Variants in BPTF observed in about 807,000 individuals in gnomAD.
BPTF encodes the protein nucleosome-remodeling factor subunit BPTF.
BPTF carries 18 observed loss-of-function variants against 292.5 expected under a neutral mutation model. That is an observed-to-expected ratio of 0.06 (90% confidence interval 0.04 to 0.09). The LOEUF (loss-of-function observed/expected upper bound fraction) is 0.09, where lower values mean the gene tolerates loss of function less well. Ranked by LOEUF, BPTF falls within the 10% of genes least tolerant of loss-of-function variation. BPTF has a pLI of 1.00. For missense variants in BPTF, 2,726 were observed against 3,498.7 expected (o/e 0.78, Z 5.57); for synonymous variants, 1,225 against 1,251.9 (o/e 0.98, Z 0.45).
intron 1 of BPTF, among the ~76,000 whole-genome samples, chr17:67,828,012 A>G (rs1598069039): frequency 6.7e-6 from 1 of 149,376 alleles, no homozygotes. Context: ...GCTCACTGCA[A>G]CCTCCGTCTT....
At chr17:67,898,588 G>A (rs890645199) in intron 7 of BPTF, among the ~76,000 whole-genome samples, 3 of 151,642 alleles carry the variant, frequency 2.0e-5, no homozygotes, top group East Asian at 1.9e-4. Context: ...GGGATTACAG[G>A]TGTGAGCCGC....
At chr17:67,836,317 T>C (rs1375560362) in intron 1 of BPTF, among the ~76,000 whole-genome samples, 2 of 152,196 alleles carry the variant, frequency 1.3e-5, no homozygotes, top group Non-Finnish European at 2.9e-5. Flanking sequence ...CAAATGGCAA[T>C]GTTCAGTAGG....
intron 17 of BPTF, among the ~76,000 whole-genome samples, chr17:67,931,546 G>A (rs1310766555): frequency 6.6e-6 from 1 of 152,138 alleles, no homozygotes; most frequent in Non-Finnish European, 1.5e-5. Context: ...TGATCTTCCT[G>A]TTATATTCTG....
intron 19 of BPTF, among the ~76,000 whole-genome samples, chr17:67,941,481 A>G (rs1229263190): frequency 6.6e-6 from 1 of 152,148 alleles, no homozygotes; most frequent in Non-Finnish European, 1.5e-5. Context: ...AGTATATAAT[A>G]CTTCACTAAT....
At chr17:67,835,968 T>G (rs377148940) in intron 1 of BPTF, among the ~76,000 whole-genome samples, 273 of 152,152 alleles carry the variant, frequency 1.8e-3, no homozygotes, top group African/African-American at 6.3e-3. Context: ...CCTGGCCCAG[T>G]CCTGGTAAAA....
chr17:67,961,829 C>T (rs1485900860), intron 24 of BPTF, among the ~76,000 whole-genome samples: 1 of 152,100 alleles, frequency 6.6e-6, no homozygotes, highest in Non-Finnish European at 1.5e-5. Flanking sequence ...CAAAAATTAG[C>T]CAGATGTGGT....
intron 18 of BPTF, among the ~76,000 whole-genome samples, chr17:67,936,260 G>T (rs1376625337): frequency 1.3e-5 from 2 of 152,120 alleles, no homozygotes; most frequent in East Asian, 3.9e-4. Context: ...GCATTTACCT[G>T]AGAAAAGAAA....
At chr17:67,848,143 G>A (rs564295722) in intron 1 of BPTF, among the ~76,000 whole-genome samples, 9 of 150,982 alleles carry the variant, frequency 6.0e-5, no homozygotes, top group Non-Finnish European at 1.2e-4. Flanking sequence ...GCCTTTTGAG[G>A]TCTAGAAGTC....
chr17:67,963,575 T>A, intron 24 of BPTF: 5 of 1,283,498 alleles, frequency 3.9e-6, no homozygotes, highest in Non-Finnish European at 4.9e-6. Flanking sequence ...GTTACTTATT[T>A]ATTTTAAAAT....
chr17:67,940,645 A>G lies in BPTF; in HGVS notation c.6466A>G (p.Thr2156Ala). The G allele has an allele frequency of 1.2e-6, 2 of 1,613,260 alleles. No homozygotes were observed. The highest frequency in any genetic ancestry group is 1.7e-6 in the Non-Finnish European group (2 of 1,179,172). The part of the protein sequence containing the change: ...KLTMAQLTQL[T>A]QGHGGNQGLT... The stretch of plus-strand genomic sequence containing the variant: ...CACCATGGCTCAACTTACTCAGTTA[A>G]CACAGGGCCACGTAAGTAACATAAG... The change falls in exon 19 of 28, where the codon ACA (threonine) becomes GCA (alanine). Residue 2156 changes from threonine to alanine, a missense_variant. Physicochemically the swap from Thr to Ala is moderately conservative, Grantham distance 58. Around this residue, in one of 22 missense-constraint regions of BPTF, gnomAD observed 570 missense variants for 633.5 expected, o/e 0.90. Transcript: ENST00000306378.
intron 17 of BPTF, 40 bp downstream of exon 17, chr17:67,929,527 G>A (rs2064182712): frequency 6.3e-7 from 1 of 1,587,318 alleles, no homozygotes; most frequent in Non-Finnish European, 8.6e-7. Context: ...GATGTGTTGA[G>A]CACATCACAT....
chr17:67,846,093 A>G (rs1368373072), intron 1 of BPTF, among the ~76,000 whole-genome samples: 2 of 152,212 alleles, frequency 1.3e-5, no homozygotes, highest in African/African-American at 4.8e-5. Flanking sequence ...GTGGTTGATG[A>G]ACCATTGTAT....
intron 4 of BPTF, among the ~76,000 whole-genome samples, chr17:67,880,949 A>T (rs1049643860): frequency 1.0e-5 from 1 of 97,758 alleles, no homozygotes; most frequent in Non-Finnish European, 2.9e-5. Flanking sequence ...TATGTATATT[A>T]TATATATATA....
intron 3 of BPTF, among the ~76,000 whole-genome samples, chr17:67,867,652 G>C (rs2059465191): frequency 6.6e-6 from 1 of 152,146 alleles, no homozygotes; most frequent in African/African-American, 2.4e-5. Flanking sequence ...TGATGGCCTT[G>C]ACAGTTGGGA....
chr17:67,932,574 A>G (rs1164754899), intron 18 of BPTF, among the ~76,000 whole-genome samples: 3 of 152,168 alleles, frequency 2.0e-5, no homozygotes, highest in Non-Finnish European at 4.4e-5. Flanking sequence ...TGCCTCATGC[A>G]CCTGTAATCC....
chr17:67,900,527 C>G (rs1390534414), intron 7 of BPTF, among the ~76,000 whole-genome samples: 1 of 148,476 alleles, frequency 6.7e-6, no homozygotes, highest in Non-Finnish European at 1.5e-5. Context: ...CCCAGGAGTT[C>G]AAGACCAGCC....
chr17:67,899,395 A>C (rs1453740992), intron 7 of BPTF, among the ~76,000 whole-genome samples: 3 of 152,140 alleles, frequency 2.0e-5, no homozygotes, highest in African/African-American at 7.2e-5. Flanking sequence ...ATTTCACCAA[A>C]AGAGGTCTGT....
In BPTF at chr17:67,978,349, A is replaced by T. The variant is rs1249198308; in HGVS notation, c.8726+2391A>T. Among the ~76,000 whole-genome samples, 18 of 148,532 alleles carry T rather than the reference A, an allele frequency of 1.2e-4. 1 individual carries two copies. The highest frequency in any genetic ancestry group is 4.8e-4 in the Admixed American group (7 of 14,698). ...AGTCTCACTCTGTTGCCCAGGCTGGAGTTCAGTGGCACAATCTCGGCTCGC... is the reference window on the plus strand; with the variant it reads ...AGTCTCACTCTGTTGCCCAGGCTGGTGTTCAGTGGCACAATCTCGGCTCGC... On this transcript the variant is annotated intron_variant, in intron 27 of 27. Coordinates refer to ENST00000306378, the MANE Select transcript of BPTF (RefSeq NM_182641.4).
At chr17:67,966,507 A>C in intron 25 of BPTF, 65 bp from the exon 26 acceptor site, 2 of 1,459,234 alleles carry the variant, frequency 1.4e-6, no homozygotes, top group Non-Finnish European at 1.9e-6. Context: ...GTAGTAACTC[A>C]ACCAGGAAAC....
Sources: gnomAD v4.1 joint callset for allele counts (sites outside exome capture counted in the v4.1 genomes callset) on GRCh38, gnomAD v4.1.1 for gene constraint, gnomAD v4.1.1 regional missense constraint, MANE v1.5 for transcripts, NCBI Gene and HGNC (gene_info 2026-07-23, HGNC 2026-07-21) for gene names.